ATP9B: variants seen among roughly 807,000 people sequenced by gnomAD.
ATP9B encodes ATPase phospholipid transporting 9B, also known as probable phospholipid-transporting ATPase IIB.
Under a neutral mutation model 146.1 loss-of-function variants are expected in ATP9B, and 110 were observed. That is an observed-to-expected ratio of 0.75 (90% CI 0.65 to 0.88). ATP9B has a LOEUF of 0.88. ATP9B is among the 40% of genes least tolerant of loss of function. ATP9B has a pLI of 0.00. For missense variants in ATP9B, 1,499 were observed against 1,496.4 expected (o/e 1.00, Z -0.03); for synonymous variants, 604 against 569.7 (o/e 1.06, Z -0.86).
intron 4 of ATP9B, among the ~76,000 whole-genome samples, chr18:79,124,679 G>A (rs927864373): frequency 6.6e-6 from 1 of 152,212 alleles, no homozygotes; most frequent in Non-Finnish European, 1.5e-5. Context: ...TATTGAGTGG[G>A]GGACAAGGCT....
intron 17 of ATP9B, 31 bp from the exon 18 acceptor site, chr18:79,336,597 C>T (rs1189220782): frequency 6.2e-7 from 1 of 1,605,796 alleles, no homozygotes; most frequent in Non-Finnish European, 8.5e-7. Context: ...CTCTGCAGGG[C>T]CCACCTGTGA....
At chr18:79,309,740 A>T (rs1394705519) in intron 15 of ATP9B, among the ~76,000 whole-genome samples, 1 of 152,154 alleles carries the variant, frequency 6.6e-6, no homozygotes, top group Non-Finnish European at 1.5e-5. Flanking sequence ...ATGTTTTGAA[A>T]TAGATTATCG....
chr18:79,129,444 C>T (rs929643664), intron 5 of ATP9B, among the ~76,000 whole-genome samples: 1 of 152,126 alleles, frequency 6.6e-6, no homozygotes, highest in Non-Finnish European at 1.5e-5. Flanking sequence ...GAGGCTGCCG[C>T]ACAGAGCCAG....
intron 15 of ATP9B, among the ~76,000 whole-genome samples, chr18:79,327,952 AGCGTGCTCTCCG>A (rs2147077326): frequency 2.4e-5 from 3 of 124,636 alleles, no homozygotes; most frequent in South Asian, 2.9e-4. Flanking sequence ...CTCCGTGGTT[AGCGTGCTCTCCG>A]TGGTTAGCGT....
At chr18:79,186,002 A>G (rs1397098279) in intron 8 of ATP9B, among the ~76,000 whole-genome samples, 1 of 152,234 alleles carries the variant, frequency 6.6e-6, no homozygotes, top group Non-Finnish European at 1.5e-5. Flanking sequence ...CTGTAATGGC[A>G]GGTGCAGTTT....
At position 79,118,384 on chromosome 18, in the gene ATP9B, G is replaced by GTTTTTTTTTTTTTTTTTTTTTTTT. The variant is rs1304879263; in HGVS notation, c.558+5035_558+5036insTTTTTTTTTTTTTTTTTTTTTTTT. ...ATTTTAAAACACAATCATATTGAAC[G>GTTTTTTTTTTTTTTTTTTTTTTTT]TTTTTGTTTTTTTTTTTTTTTTTTT... On this transcript the variant is annotated intron_variant, in intron 4 of 29. Transcript: ENST00000426216. 5.4e-5 allele frequency among the ~76,000 whole-genome samples: 4 copies of GTTTTTTTTTTTTTTTTTTTTTTTT among 73,488 alleles called. 2 individuals are homozygous for GTTTTTTTTTTTTTTTTTTTTTTTT. The highest frequency in any genetic ancestry group is 1.1e-4 in the African/African-American group (2 of 18,676). 48.2% of individuals were successfully genotyped at this position (73,488 alleles called of 152,430 possible). A position where few individuals can be genotyped will look rare whatever the true frequency, so the allele number is the denominator to read the frequency against.
At position 79,121,913 on chromosome 18, in the gene ATP9B, C is replaced by T. The variant is rs559639363; in HGVS notation, c.559-4354C>T. 3.9e-5 allele frequency among the ~76,000 whole-genome samples: 6 copies of T among 152,294 alleles called. No homozygotes were observed. In the South Asian group the frequency reaches 1.2e-3, roughly 32 times the overall value. On this transcript the variant is annotated intron_variant, in intron 4 of 29. Transcript: ENST00000426216. ...CATTTGAAGTGGGAGCTTAATTTCA[C>T]TGACTTCCTTGAGTTCTTAGGAACT...
intron 8 of ATP9B, among the ~76,000 whole-genome samples, chr18:79,181,265 G>A (rs934650197): frequency 6.6e-6 from 1 of 152,090 alleles, no homozygotes; most frequent in Non-Finnish European, 1.5e-5. Context: ...TTTTCTGTGG[G>A]CGTTTGGAAA....
intron 12 of ATP9B, among the ~76,000 whole-genome samples, chr18:79,270,000 T>C (rs4799025): frequency 0.46 from 70,449 of 152,156 alleles, 16,508 homozygotes; most frequent in Middle Eastern, 0.56. Flanking sequence ...AGCCGGCTCC[T>C]GTTTGCCTGG....
chr18:79,327,149 C>T (rs55936929), intron 15 of ATP9B, among the ~76,000 whole-genome samples: 8,421 of 152,310 alleles, frequency 0.055, 331 homozygotes, highest in Non-Finnish European at 0.088. Context: ...GTGCACTAGA[C>T]AACATTTAAA....
chr18:79,110,722 T>C (rs1399250660), intron 3 of ATP9B, among the ~76,000 whole-genome samples: 1 of 152,218 alleles, frequency 6.6e-6, no homozygotes, highest in East Asian at 1.9e-4. Context: ...CTCAAGAAAA[T>C]GTACAATTTG....
At chr18:79,329,463 T>C (rs541215643) in intron 16 of ATP9B, among the ~76,000 whole-genome samples, 161 bp downstream of exon 16, 1 of 151,886 alleles carries the variant, frequency 6.6e-6, no homozygotes, top group African/African-American at 2.4e-5. Context: ...AAGCTAATAA[T>C]CTATATCTGG....
chr18:79,377,254 CT>C lies in ATP9B; in HGVS notation c.3318del (p.Phe1106LeufsTer5). On this transcript the variant is annotated frameshift_variant, in exon 30 of 30. Transcript: ENST00000426216. LOFTEE classifies it high-confidence loss of function. ...VSFGAFLDVA[F>X]ITTVTFLWKV... is the part of the protein sequence containing the mutation. ...TCTGTTTCCTGCCAACAGATGTTGC[CT>C]TTATCACCACCGTGACCTTCCTGTG... 1 of 1,611,996 alleles carries C rather than the reference CT, an allele frequency of 6.2e-7. No individual in the cohort carries two copies.
intron 2 of ATP9B, among the ~76,000 whole-genome samples, chr18:79,099,865 G>A (rs549557244): frequency 2.6e-5 from 4 of 152,156 alleles, no homozygotes; most frequent in South Asian, 2.1e-4. Flanking sequence ...AGTGGCTCAC[G>A]CCTGTAATCC....
At chr18:79,353,593 A>C (rs192303272) in intron 25 of ATP9B, 1 of 152,222 alleles carries the variant, frequency 6.6e-6, no homozygotes, top group African/African-American at 2.4e-5. Context: ...GAGAATAGCC[A>C]GGTGTTAGCC....
intron 7 of ATP9B, among the ~76,000 whole-genome samples, chr18:79,162,764 T>C (rs559536780): frequency 6.6e-6 from 1 of 152,350 alleles, no homozygotes; most frequent in South Asian, 2.1e-4. Context: ...CCTATCTTTC[T>C]TTTGTTGGCC....
chr18:79,079,958 G>A (rs115079725), intron 1 of ATP9B, among the ~76,000 whole-genome samples: 2,590 of 152,226 alleles, frequency 0.017, 33 homozygotes, highest in South Asian at 0.035. Context: ...GATGGTTTTC[G>A]ATGTGTGGCG....
At chr18:79,237,132 G>A (rs1351171367) in intron 11 of ATP9B, among the ~76,000 whole-genome samples, 10 of 58,496 alleles carry the variant, frequency 1.7e-4, no homozygotes, top group Non-Finnish European at 2.0e-4. Context: ...TACACGGTCC[G>A]TGCACGAGTC....
chr18:79,371,230 G>C (rs2097067653), intron 26 of ATP9B, among the ~76,000 whole-genome samples: 1 of 152,016 alleles, frequency 6.6e-6, no homozygotes, highest in Non-Finnish European at 1.5e-5. Flanking sequence ...AAATTATCTG[G>C]GCATGGTGGC....
Sources: allele counts gnomAD v4.1 joint callset (sites outside exome capture counted in the v4.1 genomes callset), GRCh38; gene constraint gnomAD v4.1.1; transcripts MANE v1.5; gene names NCBI Gene and HGNC (gene_info 2026-07-23, HGNC 2026-07-21).